The following BTBD9 variants were observed in gnomAD, a reference collection of about 807,000 sequenced individuals.
BTBD9 encodes BTB/POZ domain-containing protein 9.
A neutral mutation model predicts 64.3 loss-of-function variants in BTBD9; 49 were observed. The observed-to-expected ratio is 0.76, with a 90% CI of 0.61 to 0.97. The LOEUF (loss-of-function observed/expected upper bound fraction) is 0.97, where lower values mean the gene tolerates loss of function less well. Among genes scored for constraint, BTBD9 ranks in the 50% least tolerant of loss-of-function variants. The probability of loss-of-function intolerance (pLI) is 0.00; values close to 1 mark genes in which losing one functional copy is unlikely to be tolerated. For missense variants in BTBD9, 598 were observed against 762.1 expected (o/e 0.78, Z 2.53); for synonymous variants, 260 against 274.7 (o/e 0.95, Z 0.53).
chr6:38,189,116 CCT>C (rs1411517502), intron 10 of BTBD9, among the ~76,000 whole-genome samples: 5 of 152,206 alleles, frequency 3.3e-5, no homozygotes, highest in African/African-American at 9.6e-5. Flanking sequence ...TACCCTGACC[CCT>C]GTTTTTGATG....
intron 6 of BTBD9, among the ~76,000 whole-genome samples, chr6:38,363,365 C>T (rs1256623215): frequency 6.6e-6 from 1 of 152,166 alleles, no homozygotes; most frequent in Non-Finnish European, 1.5e-5. Flanking sequence ...CAAGAACAGC[C>T]CTGGCAACAT....
intron 6 of BTBD9, among the ~76,000 whole-genome samples, chr6:38,400,304 C>A (rs747965432): frequency 2.0e-5 from 3 of 152,106 alleles, no homozygotes; most frequent in Non-Finnish European, 2.9e-5. Context: ...CTCTTATCTC[C>A]CCTTTCTTAT....
chr6:38,606,772 T>A (rs985325076), intron 1 of BTBD9, among the ~76,000 whole-genome samples: 1 of 152,184 alleles, frequency 6.6e-6, no homozygotes, highest in African/African-American at 2.4e-5. Flanking sequence ...TCATCTTATT[T>A]AATATTCAAA....
intron 6 of BTBD9, among the ~76,000 whole-genome samples, chr6:38,350,088 T>C (rs1215060337): frequency 6.6e-6 from 1 of 152,228 alleles, no homozygotes; most frequent in Non-Finnish European, 1.5e-5. Flanking sequence ...GTGGTCCAGC[T>C]AACCATACCC....
chr6:38,184,366 G>A lies in BTBD9; in HGVS notation c.1641+8153C>T, dbSNP rs1236692105. Among the ~76,000 whole-genome samples, 1 of 152,214 alleles carries A rather than the reference G, an allele frequency of 6.6e-6. No homozygotes were observed. The highest frequency in any genetic ancestry group is 1.9e-4 in the East Asian group (1 of 5,198). ...CTCCGTGCTGCCATCTGAAACCTAA[G>A]TTTGTTTCCATTATTTCTATTCCCA... On this transcript the variant is annotated intron_variant, in intron 10 of 10. Coordinates refer to ENST00000481247, the MANE Select transcript of BTBD9 (RefSeq NM_001099272.2). This position sits in a 1 kb window ranked among gnomAD's most constrained non-coding sequence, Gnocchi z 4.4.
chr6:38,556,067 C>T (rs1021903907), intron 6 of BTBD9, among the ~76,000 whole-genome samples: 1 of 152,164 alleles, frequency 6.6e-6, no homozygotes, highest in Non-Finnish European at 1.5e-5. Flanking sequence ...ACCTTCAAAA[C>T]TGCAAGGCTC....
At chr6:38,553,094 G>C (rs1424432211) in intron 6 of BTBD9, among the ~76,000 whole-genome samples, 1 of 152,124 alleles carries the variant, frequency 6.6e-6, no homozygotes, top group African/African-American at 2.4e-5. Context: ...TATGTATATA[G>C]TTGGTGCACT....
intron 6 of BTBD9, among the ~76,000 whole-genome samples, chr6:38,540,667 G>A (rs1774230602): frequency 6.6e-6 from 1 of 152,024 alleles, no homozygotes; most frequent in Non-Finnish European, 1.5e-5. Flanking sequence ...TATACCTGAA[G>A]GTCAACCCAA....
intron 6 of BTBD9, among the ~76,000 whole-genome samples, chr6:38,382,277 C>T (rs879106099): frequency 6.6e-6 from 1 of 152,146 alleles, no homozygotes; most frequent in African/African-American, 2.4e-5. Context: ...GAACCTTAAT[C>T]TCAACTAATT....
chr6:38,239,892 A>C (rs150881718), intron 9 of BTBD9, among the ~76,000 whole-genome samples: 145 of 152,344 alleles, frequency 9.5e-4, no homozygotes, highest in African/African-American at 3.2e-3. Flanking sequence ...GCAAGTGCTC[A>C]TCACAAACTG....
At chr6:38,623,979 G>A (rs1380435400) in intron 1 of BTBD9, among the ~76,000 whole-genome samples, 4 of 152,180 alleles carry the variant, frequency 2.6e-5, no homozygotes, top group Admixed American at 6.5e-5. Flanking sequence ...GAAGTAGCTA[G>A]AGCAGTCATC....
intron 1 of BTBD9, among the ~76,000 whole-genome samples, chr6:38,621,836 G>A (rs191746067): frequency 4.5e-4 from 68 of 152,280 alleles, no homozygotes; most frequent in Non-Finnish European, 5.9e-4. Flanking sequence ...CAGATGCTGA[G>A]GCCAAAATTG....
chr6:38,347,278 C>T (rs1764318318), intron 6 of BTBD9, among the ~76,000 whole-genome samples: 1 of 152,038 alleles, frequency 6.6e-6, no homozygotes, highest in Admixed American at 6.6e-5. Flanking sequence ...TGATCACAAA[C>T]AAAATAATAT....
At chr6:38,551,878 A>G (rs1380854726) in intron 6 of BTBD9, among the ~76,000 whole-genome samples, 2 of 152,262 alleles carry the variant, frequency 1.3e-5, no homozygotes, top group Non-Finnish European at 2.9e-5. Context: ...GGCAGGGTTT[A>G]AGGCAGCAGT....
At chr6:38,370,915 C>T (rs1369623032) in intron 6 of BTBD9, among the ~76,000 whole-genome samples, 1 of 152,186 alleles carries the variant, frequency 6.6e-6, no homozygotes, top group Non-Finnish European at 1.5e-5. Flanking sequence ...TTTTTTTCCA[C>T]ATTTCCCAGT....
rs116458334 is a variant in BTBD9, at chr6:38,302,602, A to T, written c.1265-14141T>A. On this transcript the variant is annotated intron_variant, in intron 7 of 10. Coordinates refer to ENST00000481247, the MANE Select transcript of BTBD9 (RefSeq NM_001099272.2). ...TCTTGGCTGTTGTGAATTATGCTGT[A>T]ATAAACATGGGAGTGAAGATATCTC... Among the ~76,000 whole-genome samples the T allele has an allele frequency of 6.8e-3, 1,023 of 149,722 alleles. 10 individuals carry two copies. The highest frequency in any genetic ancestry group is 0.024 in the African/African-American group (985 of 40,732).
intron 6 of BTBD9, among the ~76,000 whole-genome samples, chr6:38,374,302 T>TAC (rs1562095425): frequency 3.5e-4 from 32 of 91,774 alleles, no homozygotes; most frequent in Non-Finnish European, 5.9e-4. Context: ...TATATGTATA[T>TAC]ATATGTATAT....
At chr6:38,631,085 TATAGA>T (rs1778344087) in intron 1 of BTBD9, among the ~76,000 whole-genome samples, 2 of 152,330 alleles carry the variant, frequency 1.3e-5, no homozygotes, top group Non-Finnish European at 2.9e-5. Flanking sequence ...AGAATAAATG[TATAGA>T]ATAGAATAGG....
chr6:38,607,702 T>C (rs1265239676), intron 1 of BTBD9, among the ~76,000 whole-genome samples: 1 of 151,744 alleles, frequency 6.6e-6, no homozygotes, highest in Non-Finnish European at 1.5e-5. Flanking sequence ...ACTAACTCTG[T>C]GGTGGCTGGG....
Sources: allele counts gnomAD v4.1 joint callset (sites outside exome capture counted in the v4.1 genomes callset), GRCh38; gene constraint gnomAD v4.1.1; non-coding constraint Gnocchi (gnomAD v3.1); transcripts MANE v1.5; gene names NCBI Gene and HGNC (gene_info 2026-07-23, HGNC 2026-07-21).